Variants in ENOX1 observed in about 807,000 individuals in gnomAD.
The protein encoded by ENOX1 is ecto-NOX disulfide-thiol exchanger 1.
Under a neutral mutation model 82.5 loss-of-function variants are expected in ENOX1, and 42 were observed. That is an observed-to-expected ratio of 0.51 (90% CI 0.40 to 0.66). The LOEUF (loss-of-function observed/expected upper bound fraction) is 0.66. Ranked by LOEUF, ENOX1 falls within the 30% of genes least tolerant of loss-of-function variation. The pLI is 0.00. For missense variants in ENOX1, 608 were observed against 811.6 expected, an observed-to-expected ratio of 0.75 and a Z score of 3.05; for synonymous variants, 271 against 282.2, an observed-to-expected ratio of 0.96 and a Z score of 0.40.
At chr13:43,320,637 G>A (rs1334163983) in intron 11 of ENOX1, among the ~76,000 whole-genome samples, 1 of 151,724 alleles carries the variant, frequency 6.6e-6, no homozygotes, top group East Asian at 2.0e-4. Flanking sequence ...AAATTGACAA[G>A]TTATTTAAAA....
intron 2 of ENOX1, among the ~76,000 whole-genome samples, chr13:43,563,068 A>G (rs925106169): frequency 7.2e-5 from 11 of 152,290 alleles, no homozygotes; most frequent in African/African-American, 2.6e-4. Context: ...GTTTTGTCCA[A>G]TGGCTGCAAA....
intron 1 of ENOX1, among the ~76,000 whole-genome samples, chr13:43,769,188 T>C (rs1030098282): frequency 1.3e-5 from 2 of 152,204 alleles, no homozygotes; most frequent in African/African-American, 4.8e-5. Flanking sequence ...GGATGACATA[T>C]GCAACTGTGC....
intron 11 of ENOX1, among the ~76,000 whole-genome samples, chr13:43,318,385 A>G (rs1308024051): frequency 6.6e-6 from 1 of 152,212 alleles, no homozygotes; most frequent in Non-Finnish European, 1.5e-5. Flanking sequence ...ACCCTAGAGA[A>G]CTGGGTACCC....
chr13:43,506,011 CT>C (rs1309688709), intron 2 of ENOX1, among the ~76,000 whole-genome samples: 5 of 152,134 alleles, frequency 3.3e-5, no homozygotes, highest in African/African-American at 1.2e-4. Context: ...AACAGGGAAT[CT>C]TTTCCCCATT....
At chr13:43,756,426 C>G (rs1404546434) in intron 1 of ENOX1, among the ~76,000 whole-genome samples, 1 of 140,322 alleles carries the variant, frequency 7.1e-6, no homozygotes, top group Non-Finnish European at 1.5e-5. Context: ...GAGCGAGACC[C>G]TGTCACAAGG....
chr13:43,445,334 A>G (rs957708182), intron 3 of ENOX1, among the ~76,000 whole-genome samples: 10 of 152,182 alleles, frequency 6.6e-5, no homozygotes, highest in South Asian at 4.1e-4. Context: ...CGTGTTAGCC[A>G]GGATGGTCTT....
intron 3 of ENOX1, among the ~76,000 whole-genome samples, chr13:43,414,452 G>A (rs1377579874): frequency 6.6e-6 from 1 of 152,192 alleles, no homozygotes; most frequent in Non-Finnish European, 1.5e-5. Context: ...GAACCTGCAT[G>A]TGTATTGTGC....
chr13:43,406,492 CTT>C lies in ENOX1; in HGVS notation c.208+5422_208+5423del, dbSNP rs58818536. Among the ~76,000 whole-genome samples the C allele has an allele frequency of 6.8e-3, 779 of 113,992 alleles. 2 individuals are homozygous for C. The highest frequency in any genetic ancestry group is 0.012 in the African/African-American group (427 of 34,458). 74.8% of individuals were successfully genotyped at this position (113,992 alleles called of 152,430 possible). A position where few individuals can be genotyped will look rare whatever the true frequency, so the allele number is the denominator to read the frequency against. ...TGTAGTTAATTGGGAAGTATGTTGTCTTTTTTTTTTTTTTTTTTGAGACAGAG... is the reference window on the plus strand; with the variant it reads ...TGTAGTTAATTGGGAAGTATGTTGTCTTTTTTTTTTTTTTTTGAGACAGAG... On this transcript the variant is annotated intron_variant, in intron 5 of 16. Transcript: ENST00000690772.
chr13:43,332,821 CT>C (rs1302468302), intron 9 of ENOX1, among the ~76,000 whole-genome samples: 1 of 151,954 alleles, frequency 6.6e-6, no homozygotes, highest in East Asian at 1.9e-4. Flanking sequence ...ATTACCCCTA[CT>C]GACTAAATGA....
At chr13:43,427,331 T>G (rs1053750636) in intron 3 of ENOX1, among the ~76,000 whole-genome samples, 9 of 152,286 alleles carry the variant, frequency 5.9e-5, no homozygotes, top group African/African-American at 2.2e-4. Flanking sequence ...ACCTATGAGA[T>G]AGATGTTATT....
At chr13:43,546,841 A>G (rs946305004) in intron 2 of ENOX1, 5 of 152,238 alleles carry the variant, frequency 3.3e-5, no homozygotes, top group African/African-American at 7.2e-5. Flanking sequence ...TCAAAACAGT[A>G]CAATTTAATC....
At chr13:43,330,306 A>G (rs1478627316) in intron 9 of ENOX1, among the ~76,000 whole-genome samples, 1 of 152,224 alleles carries the variant, frequency 6.6e-6, no homozygotes, top group Non-Finnish European at 1.5e-5. Flanking sequence ...ACAAATTGAG[A>G]CCTACTCCCT....
At chr13:43,571,874 A>G (rs1320036095) in intron 2 of ENOX1, among the ~76,000 whole-genome samples, 6 of 152,088 alleles carry the variant, frequency 3.9e-5, no homozygotes, top group Non-Finnish European at 8.8e-5. Context: ...GTGTGTGTAT[A>G]TATCAGACAA....
chr13:43,359,978 A>G lies in ENOX1; in HGVS notation c.462T>C (p.Thr154=), dbSNP rs757874151. The change falls in exon 7 of 17, where the codon ACT becomes ACC. Residue 154 remains threonine, a synonymous_variant. Coordinates refer to ENST00000690772, the MANE Select transcript of ENOX1 (RefSeq NM_001347969.2). The stretch of plus-strand genomic sequence containing the variant: ...CAAAGACTTCTTGAATAATTTCCTC[A>G]GTAGCATTTTCTGGTAATCCTCCGA... The part of the protein sequence containing the change: ...VFVGGLPENA[T]EEIIQEVFEQ... 6.2e-7 allele frequency: 1 copy of G among 1,614,222 alleles called. No homozygotes were observed. The highest frequency in any genetic ancestry group is 8.5e-7 in the Non-Finnish European group (1 of 1,180,028).
intron 2 of ENOX1, among the ~76,000 whole-genome samples, chr13:43,504,879 T>C (rs2077099337): frequency 1.3e-5 from 2 of 151,684 alleles, no homozygotes; most frequent in Non-Finnish European, 3.0e-5. Flanking sequence ...GCATAGATTA[T>C]GGTGATGGTT....
At chr13:43,523,958 T>G (rs1333024788) in intron 2 of ENOX1, among the ~76,000 whole-genome samples, 1 of 152,142 alleles carries the variant, frequency 6.6e-6, no homozygotes, top group East Asian at 1.9e-4. Flanking sequence ...AATTTTTTAG[T>G]CCATTACTGT....
At chr13:43,446,647 T>C (rs1244330375) in intron 3 of ENOX1, among the ~76,000 whole-genome samples, 1 of 152,186 alleles carries the variant, frequency 6.6e-6, no homozygotes, top group Admixed American at 6.5e-5. Context: ...TACTTGGAAT[T>C]CTCCTGTTTA....
At chr13:43,703,972 G>A (rs1371053493) in intron 1 of ENOX1, among the ~76,000 whole-genome samples, 1 of 151,702 alleles carries the variant, frequency 6.6e-6, no homozygotes, top group Non-Finnish European at 1.5e-5. Flanking sequence ...TAGTAGCAAA[G>A]AACTAAAAAT....
At chr13:43,326,579 T>C (rs2153530547) in intron 9 of ENOX1, 54 bp from the exon 10 acceptor site, 9 of 1,433,162 alleles carry the variant, frequency 6.3e-6, no homozygotes, top group Admixed American at 3.3e-5. Flanking sequence ...GTGATCACTA[T>C]AGGGAAGCAA....
Sources: allele counts gnomAD v4.1 joint callset (sites outside exome capture counted in the v4.1 genomes callset), GRCh38; gene constraint gnomAD v4.1.1; transcripts MANE v1.5; gene names NCBI Gene and HGNC (gene_info 2026-07-23, HGNC 2026-07-21).